Variants in GPHN observed in about 807,000 individuals in gnomAD.
GPHN encodes gephyrin.
A neutral mutation model predicts 95.5 loss-of-function variants in GPHN; 17 were observed. The observed-to-expected ratio is 0.18, with a 90% CI of 0.12 to 0.27. The LOEUF is 0.27. Ranked by LOEUF, GPHN falls within the 10% of genes least tolerant of loss-of-function variation. The pLI, the probability that GPHN is intolerant of heterozygous loss-of-function variation, is 1.00. For missense variants in GPHN, 660 were observed against 978.1 expected (o/e 0.67, Z 4.34); for synonymous variants, 320 against 322.5 (o/e 0.99, Z 0.08).
At position 66,973,150 on chromosome 14, in the gene GPHN, T is replaced by G. The variant is rs6573739; in HGVS notation, c.963+7825T>G. ...GCTATTGAATCCTTTATATATATAT[T>G]TTTTTTCCATAGAAGCAGTATTATA... On this transcript the variant is annotated intron_variant, in intron 9 of 22. Coordinates refer to ENST00000478722, the MANE Select transcript of GPHN (RefSeq NM_020806.5). 3.0e-3 allele frequency among the ~76,000 whole-genome samples: 458 copies of G among 151,572 alleles called. 3 individuals carry two copies. The highest frequency in any genetic ancestry group is 0.011 in the African/African-American group (440 of 41,146).
chr14:67,422,823 C>A, the GPHN span, among the ~76,000 whole-genome samples: 1 of 148,512 alleles, frequency 6.7e-6, no homozygotes, highest in African/African-American at 2.5e-5. Context: ...AGGCTTTCCC[C>A]ATCTTTTTTT....
chr14:66,517,905 C>G (rs2058314306), intron 1 of GPHN, among the ~76,000 whole-genome samples: 1 of 151,782 alleles, frequency 6.6e-6, no homozygotes, highest in Admixed American at 6.6e-5. Flanking sequence ...AATAAGACCT[C>G]AAAAGCACAG....
At chr14:67,655,280 T>C in the GPHN span, among the ~76,000 whole-genome samples, 212 of 152,056 alleles carry the variant, frequency 1.4e-3, no homozygotes, top group African/African-American at 4.8e-3. Flanking sequence ...TAAGTTAAAA[T>C]TGCACTGCTG....
the GPHN span, among the ~76,000 whole-genome samples, chr14:67,504,489 G>C: frequency 6.6e-6 from 1 of 151,940 alleles, no homozygotes; most frequent in Admixed American, 6.6e-5. Context: ...TATATGTACT[G>C]TAGCCTTGTT....
At chr14:67,583,800 C>G in the GPHN span, 1 of 1,612,858 alleles carries the variant, frequency 6.2e-7, no homozygotes, top group Non-Finnish European at 8.5e-7. Context: ...CATCCCCTGC[C>G]AAGGCTCAGC....
chr14:66,613,200 G>A (rs926070192), intron 1 of GPHN, among the ~76,000 whole-genome samples: 2 of 151,978 alleles, frequency 1.3e-5, no homozygotes, highest in African/African-American at 4.8e-5. Context: ...TGTTTTATGT[G>A]TGTTTCTGTT....
chr14:66,780,864 G>T (rs1475613125), intron 3 of GPHN, among the ~76,000 whole-genome samples: 1 of 152,142 alleles, frequency 6.6e-6, no homozygotes, highest in Non-Finnish European at 1.5e-5. Context: ...TTTCAGTTGG[G>T]TAATATCTGA....
intron 5 of GPHN, among the ~76,000 whole-genome samples, chr14:66,909,598 T>A (rs2065567206): frequency 6.6e-6 from 1 of 151,960 alleles, no homozygotes; most frequent in Non-Finnish European, 1.5e-5. Flanking sequence ...GAAAAAGCAT[T>A]TGATAAAATT....
chr14:66,685,450 G>T (rs1595543865), intron 2 of GPHN, among the ~76,000 whole-genome samples: 1 of 152,180 alleles, frequency 6.6e-6, no homozygotes, highest in African/African-American at 2.4e-5. Flanking sequence ...ATTCTAACTG[G>T]TGTGAGATGG....
the GPHN span, among the ~76,000 whole-genome samples, chr14:67,520,766 C>G: frequency 6.6e-6 from 1 of 152,236 alleles, no homozygotes; most frequent in African/African-American, 2.4e-5. Flanking sequence ...AAGAATAAAG[C>G]TGCTATAAAC....
At chr14:66,727,978 T>C (rs2071402052) in intron 2 of GPHN, among the ~76,000 whole-genome samples, 2 of 152,154 alleles carry the variant, frequency 1.3e-5, no homozygotes, top group Admixed American at 6.5e-5. Flanking sequence ...AAAAATGGTT[T>C]CACGGGCTAG....
intron 1 of GPHN, among the ~76,000 whole-genome samples, chr14:66,611,611 T>C (rs1054907651): frequency 6.6e-6 from 1 of 152,128 alleles, no homozygotes; most frequent in African/African-American, 2.4e-5. Context: ...CTTGAGGAAA[T>C]TGGTATCAGA....
intron 4 of GPHN, among the ~76,000 whole-genome samples, chr14:66,840,752 A>AAAAC (rs1346473340): frequency 6.6e-6 from 1 of 151,670 alleles, no homozygotes; most frequent in Non-Finnish European, 1.5e-5. Flanking sequence ...AAAAAAAAAA[A>AAAAC]AACAGGAAAT....
chr14:67,172,285 CCAT>C (rs1391581652), intron 21 of GPHN, among the ~76,000 whole-genome samples: 1 of 152,150 alleles, frequency 6.6e-6, no homozygotes. Context: ...AGAGCTAAAG[CCAT>C]ATACGGCCTC....
chr14:67,667,256 G>A, the GPHN span, among the ~76,000 whole-genome samples: 6 of 152,194 alleles, frequency 3.9e-5, no homozygotes, highest in South Asian at 2.1e-4. Context: ...GCCCAAGAAT[G>A]CCTAATCTTG....
At chr14:67,453,136 C>T in the GPHN span, among the ~76,000 whole-genome samples, 1 of 152,202 alleles carries the variant, frequency 6.6e-6, no homozygotes, top group African/African-American at 2.4e-5. Flanking sequence ...GAGCCTGTGC[C>T]AGATGTCTTT....
chr14:66,636,988 C>T (rs1004862476), intron 1 of GPHN, among the ~76,000 whole-genome samples: 2 of 152,084 alleles, frequency 1.3e-5, no homozygotes, highest in African/African-American at 4.8e-5. Context: ...ATAGGAATCT[C>T]CTCAGTTAAC....
At chr14:67,069,584 G>A (rs2076200910) in intron 11 of GPHN, among the ~76,000 whole-genome samples, 1 of 152,214 alleles carries the variant, frequency 6.6e-6, no homozygotes, top group South Asian at 2.1e-4. Flanking sequence ...AACTGCTAAA[G>A]TGGAAAAACA....
At chr14:67,093,890 A>G (rs2077238219) in intron 12 of GPHN, among the ~76,000 whole-genome samples, 1 of 152,096 alleles carries the variant, frequency 6.6e-6, no homozygotes, top group Non-Finnish European at 1.5e-5. Context: ...TTTAGTATGC[A>G]TATAAATACT....
Sources: allele counts gnomAD v4.1 joint callset (sites outside exome capture counted in the v4.1 genomes callset), GRCh38; gene constraint gnomAD v4.1.1; transcripts MANE v1.5; gene names NCBI Gene and HGNC (gene_info 2026-07-23, HGNC 2026-07-21).